The following TRAPPC11 variants were observed in gnomAD, a reference collection of about 807,000 sequenced individuals.
TRAPPC11 encodes the protein foie gras homolog.
A neutral mutation model predicts 151.2 loss-of-function variants in TRAPPC11; 104 were observed. That is an observed-to-expected ratio of 0.69 (90% CI 0.59 to 0.81). TRAPPC11 has a LOEUF of 0.81. Ranked by LOEUF, TRAPPC11 falls within the 30% of genes least tolerant of loss-of-function variation. The probability of loss-of-function intolerance (pLI) is 0.00; values close to 1 mark genes in which losing one functional copy is unlikely to be tolerated. For synonymous variants in TRAPPC11, 456 were observed against 472.3 expected, an observed-to-expected ratio of 0.97 and a Z score of 0.45; for missense variants, 1,230 against 1,349.6, an observed-to-expected ratio of 0.91 and a Z score of 1.39.
chr4:183,703,269 T>C (rs1327162168), intron 26 of TRAPPC11, among the ~76,000 whole-genome samples: 1 of 152,226 alleles, frequency 6.6e-6, no homozygotes, highest in Non-Finnish European at 1.5e-5. Flanking sequence ...CTAAACAGCT[T>C]ATTTATGTGA....
At chr4:183,672,681 T>C (rs1482199139) in intron 5 of TRAPPC11, among the ~76,000 whole-genome samples, 7 of 152,192 alleles carry the variant, frequency 4.6e-5, no homozygotes, top group Non-Finnish European at 8.8e-5. Context: ...TCCCTCAGTT[T>C]AGAGGAAATA....
intron 5 of TRAPPC11, among the ~76,000 whole-genome samples, chr4:183,673,204 C>T (rs186361640): frequency 6.1e-4 from 93 of 152,060 alleles, no homozygotes; most frequent in Admixed American, 9.8e-4. Flanking sequence ...CCTCGTGATC[C>T]GCCTCTGCCT....
chr4:183,665,302 G>A (rs562556559), intron 2 of TRAPPC11, among the ~76,000 whole-genome samples: 7 of 152,020 alleles, frequency 4.6e-5, no homozygotes, highest in Admixed American at 3.3e-4. Flanking sequence ...CACCGTGTTA[G>A]CCAGGATGGT....
At chr4:183,692,917 A>ACCATCAGATGGTGACAAGCAC (rs1334433869) in intron 19 of TRAPPC11, 43 bp from the exon 20 acceptor site, 2 of 1,552,076 alleles carry the variant, frequency 1.3e-6, no homozygotes, top group Non-Finnish European at 1.7e-6. Flanking sequence ...GGTGACAAGC[A>ACCATCAGATGGTGACAAGCAC]CATATGAGAT....
At chr4:183,694,556 A>G in intron 22 of TRAPPC11, 48 bp from the exon 23 acceptor site, 1 of 1,555,588 alleles carries the variant, frequency 6.4e-7, no homozygotes, top group East Asian at 2.3e-5. Flanking sequence ...TATATCAAGA[A>G]GAAATGTCTG....
intron 5 of TRAPPC11, among the ~76,000 whole-genome samples, chr4:183,672,479 T>G (rs1368687776): frequency 1.3e-5 from 2 of 152,248 alleles, no homozygotes; most frequent in Admixed American, 1.3e-4. Context: ...ACTAACAGCC[T>G]TATGTCTTGA....
At chr4:183,680,754 G>A (rs1479808345) in intron 10 of TRAPPC11, among the ~76,000 whole-genome samples, 1 of 139,604 alleles carries the variant, frequency 7.2e-6, no homozygotes. Context: ...GTGCAGTCTC[G>A]GCTTACTGCA....
intron 3 of TRAPPC11, 108 bp from the exon 4 acceptor site, chr4:183,666,952 A>T: frequency 1.2e-6 from 1 of 851,234 alleles, no homozygotes; most frequent in Non-Finnish European, 1.8e-6. Context: ...TGGTTTTTTT[A>T]GTTGAAATTT....
chr4:183,664,132 CT>C, intron 2 of TRAPPC11, 61 bp downstream of exon 2: 2 of 1,408,210 alleles, frequency 1.4e-6, no homozygotes, highest in Non-Finnish European at 9.9e-7. Flanking sequence ...GTGTGTGTGT[CT>C]TTTTTGTTCT....
rs145771085 is a variant in TRAPPC11 at position 183,709,879 on chromosome 4, T to C, written c.3357+1305T>C. On this transcript the variant is annotated intron_variant, in intron 29 of 29. Transcript: ENST00000334690. Reference sequence around the variant, plus strand: ...GCCAGATCCCTTCAGTCTAAAGACATTTCCATTGGCCCCACACTCTCCTGG... The same window carrying C: ...GCCAGATCCCTTCAGTCTAAAGACACTTCCATTGGCCCCACACTCTCCTGG... Among the ~76,000 whole-genome samples the C allele has an allele frequency of 2.4e-3, 360 of 152,322 alleles. 1 individual carries two copies. Among genetic ancestry groups the C allele is most frequent in the African/African-American group, 8.2e-3 (342 of 41,560 alleles).
At chr4:183,694,833 A>T in intron 23 of TRAPPC11, 110 bp downstream of exon 23, 1 of 1,095,842 alleles carries the variant, frequency 9.1e-7, no homozygotes, top group Non-Finnish European at 1.3e-6. Context: ...AGGTGCTTAT[A>T]GTCTGTTATA....
At chr4:183,667,711 C>T (rs1316394205) in intron 4 of TRAPPC11, among the ~76,000 whole-genome samples, 1 of 152,126 alleles carries the variant, frequency 6.6e-6, no homozygotes, top group Non-Finnish European at 1.5e-5. Flanking sequence ...ATTATTGCTT[C>T]CAGTTTTAGT....
chr4:183,679,388 G>T lies in TRAPPC11; in HGVS notation c.867G>T (p.Leu289Phe). The T allele has an allele frequency of 6.2e-7, 1 of 1,612,046 alleles. No homozygotes were observed. Among genetic ancestry groups the T allele is most frequent in the East Asian group, 2.2e-5 (1 of 44,740 alleles). The change falls in exon 9 of 30, where the codon TTG becomes TTT. Residue 289 changes from leucine to phenylalanine, a missense_variant. Physicochemically the swap from Leu to Phe is conservative, Grantham distance 22 (BLOSUM62 0). Coordinates refer to ENST00000334690, the MANE Select transcript of TRAPPC11 (RefSeq NM_021942.6). ...TGTGTTTTCAACACAACACCCCATT[G>T]GATGCAATTGCTCAGTTCCGAAAAC... ...CRLCFQHNTP[L>F]DAIAQFRKHI...
chr4:183,691,901 AT>A (rs1736278356), intron 19 of TRAPPC11, among the ~76,000 whole-genome samples: 2 of 152,176 alleles, frequency 1.3e-5, no homozygotes, highest in Admixed American at 1.3e-4. Context: ...CTGAGTACAT[AT>A]TTTTAAAGAA....
chr4:183,692,490 T>C (rs1456749219), intron 19 of TRAPPC11, among the ~76,000 whole-genome samples: 1 of 152,216 alleles, frequency 6.6e-6, no homozygotes, highest in Non-Finnish European at 1.5e-5. Context: ...TTTTGAGTCC[T>C]TTTGTTAATG....
intron 17 of TRAPPC11, among the ~76,000 whole-genome samples, 182 bp downstream of exon 17, chr4:183,685,585 T>C (rs1051784460): frequency 2.6e-5 from 4 of 152,236 alleles, no homozygotes; most frequent in African/African-American, 9.6e-5. Flanking sequence ...GGATCTTAAA[T>C]ACTTGACTTA....
chr4:183,665,134 C>T (rs113864343), intron 2 of TRAPPC11, among the ~76,000 whole-genome samples: 1 of 141,152 alleles, frequency 7.1e-6, no homozygotes, highest in Non-Finnish European at 1.5e-5. Flanking sequence ...TCGCTCTGTC[C>T]CCGAGGCTGG....
At chr4:183,668,556 TC>T (rs1734995823) in intron 5 of TRAPPC11, among the ~76,000 whole-genome samples, 1 of 152,210 alleles carries the variant, frequency 6.6e-6, no homozygotes, top group African/African-American at 2.4e-5. Flanking sequence ...ATTACCCATG[TC>T]CTTGAGTGAC....
At chr4:183,689,936 CTCACGCCTGTAA>C (rs1736175189) in intron 18 of TRAPPC11, among the ~76,000 whole-genome samples, 1 of 152,138 alleles carries the variant, frequency 6.6e-6, no homozygotes, top group Non-Finnish European at 1.5e-5. Flanking sequence ...GGCGCAGTGG[CTCACGCCTGTAA>C]TCCCAGCACT....
Sources: allele counts gnomAD v4.1 joint callset (sites outside exome capture counted in the v4.1 genomes callset), GRCh38; gene constraint gnomAD v4.1.1; transcripts MANE v1.5; gene names NCBI Gene and HGNC (gene_info 2026-07-23, HGNC 2026-07-21).